SCFD2: variants seen among roughly 807,000 people sequenced by gnomAD.
The protein encoded by SCFD2 is sec1 family domain-containing protein 2.
A neutral mutation model predicts 58.9 loss-of-function variants in SCFD2; 54 were observed. That is an observed-to-expected ratio of 0.92 (90% CI 0.74 to 1.15). The LOEUF is 1.15. SCFD2 is among the 50% of genes most tolerant of loss of function. SCFD2 has a pLI of 0.00. For synonymous variants in SCFD2, 321 were observed against 335.9 expected (o/e 0.96, Z 0.49); for missense variants, 805 against 836.6 (o/e 0.96, Z 0.47).
At chr4:53,109,954 T>A (rs1422997647) in intron 5 of SCFD2, among the ~76,000 whole-genome samples, 4 of 152,036 alleles carry the variant, frequency 2.6e-5, no homozygotes, top group Admixed American at 2.6e-4. Context: ...TCTGGAGGTA[T>A]CACACTACCT....
At chr4:52,935,178 T>G (rs529604705) in intron 5 of SCFD2, among the ~76,000 whole-genome samples, 3 of 152,344 alleles carry the variant, frequency 2.0e-5, no homozygotes, top group East Asian at 3.9e-4. Context: ...AAAACAGTGC[T>G]TGTGCTTGGC....
At chr4:53,213,629 C>T (rs1346523770) in intron 4 of SCFD2, among the ~76,000 whole-genome samples, 1 of 152,056 alleles carries the variant, frequency 6.6e-6, no homozygotes, top group African/African-American at 2.4e-5. Flanking sequence ...CAAATTTTCT[C>T]ATTCATTTAA....
At chr4:53,135,811 T>C (rs559231152) in intron 5 of SCFD2, among the ~76,000 whole-genome samples, 1 of 152,144 alleles carries the variant, frequency 6.6e-6, no homozygotes, top group East Asian at 1.9e-4. Context: ...AGTAAGACTA[T>C]ACATCCCTGC....
At chr4:53,039,851 C>T in intron 5 of SCFD2, among the ~76,000 whole-genome samples, 1 of 152,176 alleles carries the variant, frequency 6.6e-6, no homozygotes. Context: ...GGATTCTCTC[C>T]TAAGACGGTT....
At chr4:53,017,465 A>G (rs1475683427) in intron 5 of SCFD2, among the ~76,000 whole-genome samples, 1 of 152,254 alleles carries the variant, frequency 6.6e-6, no homozygotes, top group East Asian at 1.9e-4. Context: ...TAGTAGGTGC[A>G]ATACAGGTTT....
At chr4:53,144,441 G>A (rs901538217) in intron 5 of SCFD2, among the ~76,000 whole-genome samples, 2 of 147,604 alleles carry the variant, frequency 1.4e-5, no homozygotes, top group African/African-American at 5.0e-5. Context: ...TATATTATAT[G>A]TACACATACA....
intron 8 of SCFD2, among the ~76,000 whole-genome samples, chr4:52,882,547 C>A (rs1171610642): frequency 2.0e-5 from 3 of 152,184 alleles, no homozygotes; most frequent in African/African-American, 7.2e-5. Context: ...CACCCTCAAT[C>A]TGGGTGGGCA....
rs1719379680 is a variant in SCFD2 at position 52,907,645 on chromosome 4, G to A, written c.1708-54C>T. On this transcript the variant is annotated intron_variant, in intron 6 of 8. Coordinates refer to ENST00000401642, the MANE Select transcript of SCFD2 (RefSeq NM_152540.4). The stretch of plus-strand genomic sequence containing the variant: ...GGATTGTTTGGTTTGTCTGGAGAGA[G>A]GACAGCTTTATCTGCAATGAAGAAA... 4 of 1,579,462 alleles carry A rather than the reference G, an allele frequency of 2.5e-6. No individual in the cohort carries two copies. In the East Asian group the frequency reaches 9.0e-5, roughly 35 times the overall value.
chr4:52,968,084 T>C (rs892604901), intron 5 of SCFD2, among the ~76,000 whole-genome samples: 1 of 152,168 alleles, frequency 6.6e-6, no homozygotes, highest in Non-Finnish European at 1.5e-5. Context: ...CCTGTATTAA[T>C]AGAGGCCATT....
chr4:53,022,846 T>G (rs1252413332), intron 5 of SCFD2, among the ~76,000 whole-genome samples: 5 of 152,302 alleles, frequency 3.3e-5, no homozygotes, highest in Admixed American at 3.3e-4. Context: ...GAGACTGACA[T>G]TTTTATTCAT....
rs529754364 is a variant in SCFD2, at chr4:53,190,788, GCT to G, written c.1312-45208_1312-45207del. ...GAGAACTACAACTAAATCATGAAGT[GCT>G]CTGATTCAAATTAAATATGAAGATT... On this transcript the variant is annotated intron_variant, in intron 4 of 8. Transcript: ENST00000401642. Among the ~76,000 whole-genome samples the G allele has an allele frequency of 1.7e-4, 26 of 150,350 alleles. 1 individual carries two copies. In the East Asian group the frequency reaches 4.6e-3, roughly 27 times the overall value.
chr4:52,919,563 A>T (rs1308721544), intron 6 of SCFD2, among the ~76,000 whole-genome samples: 2 of 152,236 alleles, frequency 1.3e-5, no homozygotes, highest in Admixed American at 6.5e-5. Flanking sequence ...CAACACTTCT[A>T]GAATCTCTAT....
At position 53,352,863 on chromosome 4, in the gene SCFD2, A is replaced by T. The variant is rs183941269; in HGVS notation, c.839-97T>A. ...ACACACCTTCTATCAAAAATAACAT[A>T]CATTTTTAGTTTCTGTTCAACAAAA... On this transcript the variant is annotated intron_variant, in intron 1 of 8. Transcript: ENST00000401642. The T allele has an allele frequency of 4.0e-5, 43 of 1,068,764 alleles. No individual in the cohort carries two copies. The African/African-American group carries it at 6.5e-4, about 16-fold the overall frequency. The allele number at this position is 1,068,764 out of a possible 1,614,324, so 66.2% of individuals were successfully genotyped here.
intron 7 of SCFD2, among the ~76,000 whole-genome samples, chr4:52,888,008 T>G (rs1718782747): frequency 6.7e-6 from 1 of 148,548 alleles, no homozygotes; most frequent in Non-Finnish European, 1.5e-5. Flanking sequence ...CTTCCCGGGT[T>G]CACGCCATTC....
chr4:52,973,237 T>C (rs1721157914), intron 5 of SCFD2, among the ~76,000 whole-genome samples: 1 of 152,118 alleles, frequency 6.6e-6, no homozygotes, highest in Admixed American at 6.5e-5. Context: ...GGAGCTGGTT[T>C]TTTGAAAAGA....
At chr4:53,297,090 G>C (rs1732064237) in intron 3 of SCFD2, among the ~76,000 whole-genome samples, 1 of 152,278 alleles carries the variant, frequency 6.6e-6, no homozygotes, top group Middle Eastern at 3.4e-3. Flanking sequence ...AGTGTGGTGT[G>C]GTGCTGAGAA....
At chr4:52,981,787 C>G (rs1721379904) in intron 5 of SCFD2, among the ~76,000 whole-genome samples, 1 of 152,174 alleles carries the variant, frequency 6.6e-6, no homozygotes, top group African/African-American at 2.4e-5. Flanking sequence ...ACATTATATT[C>G]CAAGATGAAT....
chr4:53,101,304 T>A (rs1391838851), intron 5 of SCFD2, among the ~76,000 whole-genome samples: 1 of 152,178 alleles, frequency 6.6e-6, no homozygotes, highest in Admixed American at 6.5e-5. Flanking sequence ...GTCCTGTTCC[T>A]CTCTTTGACT....
intron 3 of SCFD2, among the ~76,000 whole-genome samples, chr4:53,295,226 G>C (rs1031183810): frequency 1.3e-5 from 2 of 152,026 alleles, no homozygotes; most frequent in Admixed American, 1.3e-4. Flanking sequence ...ATAAATTACT[G>C]TGGGCAGTAT....
Sources: gnomAD v4.1 joint callset for allele counts (sites outside exome capture counted in the v4.1 genomes callset) on GRCh38, gnomAD v4.1.1 for gene constraint, MANE v1.5 for transcripts, NCBI Gene and HGNC (gene_info 2026-07-23, HGNC 2026-07-21) for gene names.